The following KIF13A variants were observed in gnomAD, a reference collection of about 807,000 sequenced individuals.
KIF13A encodes kinesin family member 13A.
KIF13A carries 79 observed loss-of-function variants against 212.2 expected under a neutral mutation model. The observed-to-expected ratio is 0.37, with a 90% CI of 0.31 to 0.45. KIF13A has a LOEUF of 0.45. Ranked by LOEUF, KIF13A falls within the 20% of genes least tolerant of loss-of-function variation. The probability of loss-of-function intolerance (pLI) is 1.00; values close to 1 mark genes in which losing one functional copy is unlikely to be tolerated. For missense variants in KIF13A, 1,901 were observed against 2,209.0 expected (o/e 0.86, Z 2.79); for synonymous variants, 789 against 808.6 (o/e 0.98, Z 0.41).
rs1779403484 is a variant in KIF13A, at chr6:17,967,202, T to C, written c.146+19852A>G. On this transcript the variant is annotated intron_variant, in intron 2 of 38. Transcript: ENST00000259711. The surrounding 1 kb of genome is among the most constrained non-coding windows in gnomAD (Gnocchi z 4.1). ...GGACTAAACATTCAGCTGAACCTAG[T>C]GCTGTAAATTTTTAGATAGTGCTAC... is the stretch of plus-strand genomic sequence containing the variant. 6.6e-6 allele frequency among the ~76,000 whole-genome samples: 1 copy of C among 152,170 alleles called. No homozygotes were observed. The highest frequency in any genetic ancestry group is 1.5e-5 in the Non-Finnish European group (1 of 68,030).
intron 3 of KIF13A, among the ~76,000 whole-genome samples, chr6:17,874,745 T>C (rs559568420): frequency 1.4e-4 from 21 of 152,076 alleles, no homozygotes; most frequent in Admixed American, 1.4e-3. Context: ...ATCATATTTG[T>C]AGTCTTTTAT....
At chr6:17,798,752 C>G (rs1430025473) in intron 22 of KIF13A, among the ~76,000 whole-genome samples, 1 of 152,072 alleles carries the variant, frequency 6.6e-6, no homozygotes, top group Non-Finnish European at 1.5e-5. Context: ...TTCACCTTTC[C>G]TTTTTTTATA....
chr6:17,913,076 T>G (rs1774210208), intron 2 of KIF13A, among the ~76,000 whole-genome samples: 1 of 151,724 alleles, frequency 6.6e-6, no homozygotes, highest in South Asian at 2.1e-4. Flanking sequence ...TGTGAAACAG[T>G]GCTCAGCCAA....
intron 4 of KIF13A, among the ~76,000 whole-genome samples, chr6:17,867,213 ACT>A (rs758612669): frequency 1.4e-4 from 22 of 152,188 alleles, no homozygotes; most frequent in Non-Finnish European, 2.6e-4. Context: ...TTCTAAGAAA[ACT>A]CTAAATAGAA....
chr6:17,801,621 C>G (rs190039628), intron 20 of KIF13A, among the ~76,000 whole-genome samples: 1 of 152,302 alleles, frequency 6.6e-6, no homozygotes, highest in East Asian at 1.9e-4. Context: ...TCCACTAACA[C>G]ATATTTACCA....
rs925452966 is a variant in KIF13A at position 17,769,160 on chromosome 6, A to G, written c.4581+1954T>C. ...ACGTGAATTAGTCACAAAGGAAGAA[A>G]ACAGTCTGTACCCATTTATAAGAGA... On this transcript the variant is annotated intron_variant, in intron 38 of 38. Coordinates refer to ENST00000259711, the MANE Select transcript of KIF13A (RefSeq NM_022113.6). This position sits in a 1 kb window ranked among gnomAD's most constrained non-coding sequence, Gnocchi z 5.8. 6.6e-6 allele frequency among the ~76,000 whole-genome samples: 1 copy of G among 152,220 alleles called. No individual in the cohort carries two copies. The highest frequency in any genetic ancestry group is 1.5e-5 in the Non-Finnish European group (1 of 68,036).
intron 2 of KIF13A, among the ~76,000 whole-genome samples, chr6:17,931,883 CATAAG>C (rs1776014836): frequency 6.6e-6 from 1 of 152,116 alleles, no homozygotes; most frequent in African/African-American, 2.4e-5. Flanking sequence ...ATTATCCAGA[CATAAG>C]ATAACTATTG....
intron 20 of KIF13A, among the ~76,000 whole-genome samples, chr6:17,802,042 G>T (rs1762510031): frequency 6.6e-6 from 1 of 152,102 alleles, no homozygotes; most frequent in African/African-American, 2.4e-5. Flanking sequence ...GTTTCAGGTT[G>T]TAATGACTGT....
intron 2 of KIF13A, among the ~76,000 whole-genome samples, chr6:17,954,810 A>C (rs781654256): frequency 1.3e-5 from 2 of 152,054 alleles, no homozygotes; most frequent in Non-Finnish European, 2.9e-5. Flanking sequence ...AGTAGCTGGG[A>C]CCACAGGCAC....
At chr6:17,954,725 G>A (rs1196274345) in intron 2 of KIF13A, among the ~76,000 whole-genome samples, 1 of 152,158 alleles carries the variant, frequency 6.6e-6, no homozygotes, top group African/African-American at 2.4e-5. Context: ...CCAGGCTGGA[G>A]TGCAGTGTTG....
chr6:17,911,697 TA>T (rs34367781), intron 2 of KIF13A, among the ~76,000 whole-genome samples: 26,027 of 135,034 alleles, frequency 0.19, 2,615 homozygotes, highest in Middle Eastern at 0.29. Context: ...GTTAATGGGT[TA>T]AAAAAAAAAA....
chr6:17,865,082 T>A (rs868680183), intron 4 of KIF13A, among the ~76,000 whole-genome samples: 43 of 152,228 alleles, frequency 2.8e-4, no homozygotes, highest in African/African-American at 1.0e-3. Context: ...CGCCCTATCT[T>A]GTTTAAAATC....
rs1468460501 is a variant in KIF13A at position 17,839,942 on chromosome 6, G to C, written c.831-2359C>G. 6.6e-6 allele frequency among the ~76,000 whole-genome samples: 1 copy of C among 152,156 alleles called. No individual in the cohort carries two copies. Among genetic ancestry groups the C allele is most frequent in the African/African-American group, 2.4e-5 (1 of 41,450 alleles). On this transcript the variant is annotated intron_variant, in intron 9 of 38. Transcript: ENST00000259711. The surrounding 1 kb of genome is among the most constrained non-coding windows in gnomAD (Gnocchi z 4.3). ...GAGAAATAAATTTCTGTTGTTTTAA[G>C]CTACTCAGTTTGTGGTAATCTGTTA...
In KIF13A at chr6:17,897,597, C is replaced by T. The variant is rs1772682361; in HGVS notation, c.159+571G>A. Among the ~76,000 whole-genome samples, 1 of 152,198 alleles carries T rather than the reference C, an allele frequency of 6.6e-6. No individual in the cohort carries two copies. The highest frequency in any genetic ancestry group is 6.5e-5 in the Admixed American group (1 of 15,276). On this transcript the variant is annotated intron_variant, in intron 3 of 38. Coordinates refer to ENST00000259711, the MANE Select transcript of KIF13A (RefSeq NM_022113.6). This position sits in a 1 kb window ranked among gnomAD's most constrained non-coding sequence, Gnocchi z 4.8. ...CCAGAGCAGGTGGGGAAAAAACTAA[C>T]TAGTGGCCATTGTGATGGGCTAGGA...
intron 2 of KIF13A, among the ~76,000 whole-genome samples, chr6:17,949,753 TAC>T: frequency 6.6e-6 from 1 of 152,116 alleles, no homozygotes; most frequent in East Asian, 1.9e-4. Context: ...TGTCCTGCAC[TAC>T]ACAGTCATTA....
chr6:17,793,943 A>G (rs2150323406), intron 25 of KIF13A, among the ~76,000 whole-genome samples: 1 of 152,258 alleles, frequency 6.6e-6, no homozygotes, highest in Admixed American at 6.5e-5. Context: ...AAAAAACCCA[A>G]AAAGTGGATC....
chr6:17,862,665 T>G (rs1368411061), intron 4 of KIF13A, among the ~76,000 whole-genome samples: 1 of 152,028 alleles, frequency 6.6e-6, no homozygotes. Flanking sequence ...TAGCCAGGTA[T>G]GAGCCGGGCA....
chr6:17,981,018 G>A (rs538183991), intron 2 of KIF13A, among the ~76,000 whole-genome samples: 31 of 137,210 alleles, frequency 2.3e-4, no homozygotes, highest in Admixed American at 1.9e-3. Context: ...GAAATGAAGA[G>A]GGGGACTTTT....
In KIF13A at chr6:17,856,573, G is replaced by T. The variant is rs948422062; in HGVS notation, c.221-451C>A. The stretch of plus-strand genomic sequence containing the variant: ...TTGTACATGCCAAGTGCTAAAAACC[G>T]TTAGTTGCTGAGGATGGATTGACAA... On this transcript the variant is annotated intron_variant, in intron 4 of 38. Coordinates refer to ENST00000259711, the MANE Select transcript of KIF13A (RefSeq NM_022113.6). The surrounding 1 kb of genome is among the most constrained non-coding windows in gnomAD (Gnocchi z 4.5). 7.2e-5 allele frequency among the ~76,000 whole-genome samples: 11 copies of T among 152,186 alleles called. No homozygotes were observed. Among genetic ancestry groups the T allele is most frequent in the Admixed American group, 1.3e-4 (2 of 15,278 alleles).
Sources: gnomAD v4.1 joint callset for allele counts (sites outside exome capture counted in the v4.1 genomes callset) on GRCh38, gnomAD v4.1.1 for gene constraint, Gnocchi (gnomAD v3.1) non-coding constraint, MANE v1.5 for transcripts, NCBI Gene and HGNC (gene_info 2026-07-23, HGNC 2026-07-21) for gene names.